RIMS1: variants seen among roughly 807,000 people sequenced by gnomAD.
The protein encoded by RIMS1 is regulating synaptic membrane exocytosis 1, also known as regulating synaptic membrane exocytosis protein 1.
RIMS1 carries 83 observed loss-of-function variants against 214.1 expected under a neutral mutation model. The observed-to-expected ratio is 0.39, with a 90% CI of 0.32 to 0.47. The LOEUF (loss-of-function observed/expected upper bound fraction) is 0.47, where lower values mean the gene tolerates loss of function less well. Among genes scored for constraint, RIMS1 ranks in the 20% least tolerant of loss-of-function variants. The probability of loss-of-function intolerance (pLI) is 0.99; values close to 1 mark genes in which losing one functional copy is unlikely to be tolerated. For missense variants in RIMS1, 2,050 were observed against 2,161.8 expected (o/e 0.95, Z 1.03); for synonymous variants, 793 against 786.8 (o/e 1.01, Z -0.13).
rs115375766 is a variant in RIMS1 at position 72,248,485 on chromosome 6, G to A, written c.2241+358G>A. Among the ~76,000 whole-genome samples, 915 of 152,200 alleles carry A rather than the reference G, an allele frequency of 6.0e-3. 10 individuals are homozygous for A. The highest frequency in any genetic ancestry group is 0.021 in the African/African-American group (853 of 41,544). On this transcript the variant is annotated intron_variant, in intron 12 of 33. Coordinates refer to ENST00000521978, the MANE Select transcript of RIMS1 (RefSeq NM_014989.7). ...CCCCATTTATGTAATAACCTTATGA[G>A]CCTAGAGCCTGAAGAGCCTAAATTT...
chr6:72,301,067 A>G (rs2094557511), intron 26 of RIMS1, among the ~76,000 whole-genome samples: 1 of 151,724 alleles, frequency 6.6e-6, no homozygotes, highest in Non-Finnish European at 1.5e-5. Context: ...TCATGCTGGT[A>G]GATGTATGCT....
intron 24 of RIMS1, among the ~76,000 whole-genome samples, chr6:72,286,692 A>G (rs1318335769): frequency 2.0e-5 from 3 of 152,204 alleles, no homozygotes; most frequent in African/African-American, 7.2e-5. Flanking sequence ...TGTTAAGAAG[A>G]TACCTTGAAT....
chr6:72,041,207 T>C (rs1821349438), intron 2 of RIMS1, among the ~76,000 whole-genome samples: 1 of 151,914 alleles, frequency 6.6e-6, no homozygotes, highest in Non-Finnish European at 1.5e-5. Context: ...GTCCATCTGA[T>C]TGGAATCACA....
At chr6:72,131,118 A>G (rs777609289) in intron 4 of RIMS1, among the ~76,000 whole-genome samples, 1 of 152,134 alleles carries the variant, frequency 6.6e-6, no homozygotes, top group African/African-American at 2.4e-5. Context: ...ACCATCTCCT[A>G]CATCTGTTGA....
intron 6 of RIMS1, among the ~76,000 whole-genome samples, chr6:72,226,834 G>C (rs1204450081): frequency 6.6e-6 from 1 of 152,052 alleles, no homozygotes; most frequent in Non-Finnish European, 1.5e-5. Context: ...CTGTAAGTCT[G>C]ATCTCTAACA....
intron 2 of RIMS1, among the ~76,000 whole-genome samples, chr6:72,068,623 T>C (rs1238910966): frequency 2.0e-5 from 3 of 152,074 alleles, no homozygotes; most frequent in Non-Finnish European, 4.4e-5. Flanking sequence ...CAATGCCCAA[T>C]AGGAATTTAT....
At chr6:72,321,438 A>G (rs1251060602) in intron 28 of RIMS1, among the ~76,000 whole-genome samples, 1 of 152,154 alleles carries the variant, frequency 6.6e-6, no homozygotes, top group Non-Finnish European at 1.5e-5. Flanking sequence ...ATACATGAGC[A>G]GATGTATTCT....
At chr6:72,072,380 T>C (rs1336936874) in intron 2 of RIMS1, among the ~76,000 whole-genome samples, 1 of 152,130 alleles carries the variant, frequency 6.6e-6, no homozygotes, top group Non-Finnish European at 1.5e-5. Context: ...GGAGGAATGG[T>C]ACATAAACTG....
At chr6:72,240,646 T>A (rs1226549861) in intron 9 of RIMS1, among the ~76,000 whole-genome samples, 1 of 147,466 alleles carries the variant, frequency 6.8e-6, no homozygotes, top group African/African-American at 2.5e-5. Flanking sequence ...TTTTTTTTTT[T>A]TTTTTTACAG....
intron 2 of RIMS1, among the ~76,000 whole-genome samples, chr6:72,035,028 G>A (rs901982790): frequency 6.6e-6 from 1 of 152,078 alleles, no homozygotes; most frequent in African/African-American, 2.4e-5. Flanking sequence ...TGACAGCTGA[G>A]AGCCATACTG....
At chr6:72,052,135 G>T (rs946019588) in intron 2 of RIMS1, among the ~76,000 whole-genome samples, 2 of 152,206 alleles carry the variant, frequency 1.3e-5, no homozygotes, top group Non-Finnish European at 2.9e-5. Context: ...CTGGAATACA[G>T]TTGCACTTTC....
chr6:72,087,872 C>T (rs1166988935), intron 2 of RIMS1, among the ~76,000 whole-genome samples: 1 of 152,090 alleles, frequency 6.6e-6, no homozygotes, highest in African/African-American at 2.4e-5. Flanking sequence ...GTTTTGGCAC[C>T]CATCAAATGG....
Position 72,392,596 on chromosome 6 carries a change from A to G in RIMS1, c.4506-102A>G, listed in dbSNP as rs2098718103. On this transcript the variant is annotated intron_variant, in intron 30 of 33. Transcript: ENST00000521978. ...TAAAAAAACAGATTGTCTAAGTAAT[A>G]TTTATGTTTCATGATCATAATTAGT... is the stretch of plus-strand genomic sequence containing the variant. 8 of 836,354 alleles carry G rather than the reference A, an allele frequency of 9.6e-6. No homozygotes were observed. In the Admixed American group the frequency reaches 1.4e-4, roughly 14 times the overall value. 51.8% of individuals were successfully genotyped at this position (836,354 alleles called of 1,614,324 possible). A position where few individuals can be genotyped will look rare whatever the true frequency, so the allele number is the denominator to read the frequency against.
In RIMS1 at chr6:72,266,299, C is replaced by T. The variant is rs551667631; in HGVS notation, c.3398+250C>T. 2.3e-4 allele frequency: 117 copies of T among 515,968 alleles called. 2 individuals are homozygous for T. In the South Asian group the frequency reaches 2.4e-3, roughly 11 times the overall value. 32.0% of individuals were successfully genotyped at this position (515,968 alleles called of 1,614,324 possible). A position where few individuals can be genotyped will look rare whatever the true frequency, so the allele number is the denominator to read the frequency against. On this transcript the variant is annotated intron_variant, in intron 22 of 33. Transcript: ENST00000521978. ...GGCGTGGTGTAATTTGTAACTGCTT[C>T]TGGCTGCTGCTTTTCCCCTTTTGTT...
chr6:72,243,869 A>G (rs1041127452), intron 10 of RIMS1, among the ~76,000 whole-genome samples: 3 of 151,710 alleles, frequency 2.0e-5, no homozygotes, highest in African/African-American at 4.8e-5. Flanking sequence ...TTCAAAGGAC[A>G]TGGAATACAA....
chr6:72,348,996 G>A (rs1007065002), intron 29 of RIMS1, among the ~76,000 whole-genome samples: 1 of 151,794 alleles, frequency 6.6e-6, no homozygotes, highest in Non-Finnish European at 1.5e-5. Flanking sequence ...CTTTTGTTGG[G>A]CATAGGGCCA....
At chr6:72,182,173 ATAAC>A in intron 5 of RIMS1, 107 bp from the exon 6 acceptor site, 2 of 1,207,606 alleles carry the variant, frequency 1.7e-6, no homozygotes, top group Non-Finnish European at 2.3e-6. Flanking sequence ...CCAAATCCCT[ATAAC>A]TAATTATTGT....
chr6:72,305,234 T>C (rs1229538016), intron 26 of RIMS1, among the ~76,000 whole-genome samples: 1 of 152,090 alleles, frequency 6.6e-6, no homozygotes, highest in Non-Finnish European at 1.5e-5. Flanking sequence ...AGACTGCTTC[T>C]GGCCAGTAGC....
chr6:72,007,455 TG>T (rs1390821304), intron 2 of RIMS1, among the ~76,000 whole-genome samples: 2 of 152,028 alleles, frequency 1.3e-5, no homozygotes, highest in Non-Finnish European at 2.9e-5. Flanking sequence ...TCACCAACAA[TG>T]GAAGAAAGCT....
Sources: gnomAD v4.1 joint callset for allele counts (sites outside exome capture counted in the v4.1 genomes callset) on GRCh38, gnomAD v4.1.1 for gene constraint, MANE v1.5 for transcripts, NCBI Gene and HGNC (gene_info 2026-07-23, HGNC 2026-07-21) for gene names.